The following CNTN3 variants were observed in gnomAD, a reference collection of about 807,000 sequenced individuals.
CNTN3 encodes the protein contactin-3.
Under a neutral mutation model 119.1 loss-of-function variants are expected in CNTN3, and 60 were observed. The observed-to-expected ratio is 0.50, with a 90% CI of 0.41 to 0.62. The LOEUF is 0.62. Ranked by LOEUF, CNTN3 falls within the 20% of genes least tolerant of loss-of-function variation. The probability of loss-of-function intolerance (pLI) is 0.00; values close to 1 mark genes in which losing one functional copy is unlikely to be tolerated. For missense variants in CNTN3, 1,101 were observed against 1,242.4 expected, an observed-to-expected ratio of 0.89 and a Z score of 1.71; for synonymous variants, 450 against 438.7, an observed-to-expected ratio of 1.03 and a Z score of -0.32.
intron 2 of CNTN3, among the ~76,000 whole-genome samples, chr3:74,510,639 C>G (rs1703348603): frequency 6.6e-6 from 1 of 151,912 alleles, no homozygotes; most frequent in Non-Finnish European, 1.5e-5. Flanking sequence ...TTCACTTACT[C>G]AAATCTCTAA....
At chr3:74,595,890 A>C (rs1704799024) in intron 1 of CNTN3, among the ~76,000 whole-genome samples, 1 of 152,158 alleles carries the variant, frequency 6.6e-6, no homozygotes, top group Non-Finnish European at 1.5e-5. Context: ...GGAAAAGAGG[A>C]AGTCAAATTG....
At chr3:74,379,876 T>G (rs2106807799) in intron 5 of CNTN3, among the ~76,000 whole-genome samples, 1 of 152,312 alleles carries the variant, frequency 6.6e-6, no homozygotes. Context: ...GGCATGGCAT[T>G]GCTAAAGAAA....
intron 20 of CNTN3, among the ~76,000 whole-genome samples, chr3:74,280,965 G>C (rs528109945): frequency 1.4e-4 from 22 of 152,282 alleles, no homozygotes; most frequent in Non-Finnish European, 3.1e-4. Context: ...TGGAAGAGAT[G>C]GGGGAGTGCA....
intron 4 of CNTN3, among the ~76,000 whole-genome samples, chr3:74,438,842 C>G (rs1701914233): frequency 6.6e-6 from 1 of 152,156 alleles, no homozygotes. Flanking sequence ...TGACTTCTAT[C>G]AATTATAGCA....
intron 3 of CNTN3, among the ~76,000 whole-genome samples, chr3:74,497,649 CA>C (rs141749971): frequency 0.091 from 13,781 of 151,654 alleles, 829 homozygotes; most frequent in Non-Finnish European, 0.13. Flanking sequence ...GGCTACAAAC[CA>C]AAAATCATCA....
intron 19 of CNTN3, among the ~76,000 whole-genome samples, chr3:74,289,734 T>C (rs1042448476): frequency 6.6e-6 from 1 of 152,206 alleles, no homozygotes; most frequent in African/African-American, 2.4e-5. Flanking sequence ...AACAACTTGC[T>C]CAAGGCCATA....
intron 1 of CNTN3, among the ~76,000 whole-genome samples, chr3:74,529,992 T>C (rs544623170): frequency 3.3e-5 from 5 of 152,074 alleles, no homozygotes; most frequent in African/African-American, 1.2e-4. Context: ...GAGTTCTAAC[T>C]GTGCACACTA....
chr3:74,334,353 G>T (rs988988904), intron 13 of CNTN3, among the ~76,000 whole-genome samples: 1 of 152,078 alleles, frequency 6.6e-6, no homozygotes, highest in African/African-American at 2.4e-5. Flanking sequence ...ACATTAATTG[G>T]GATCAAGCAC....
At chr3:74,478,712 A>G (rs1179220747) in intron 4 of CNTN3, among the ~76,000 whole-genome samples, 4 of 152,152 alleles carry the variant, frequency 2.6e-5, no homozygotes, top group African/African-American at 9.6e-5. Context: ...TTTTAGTTCC[A>G]CACTCCTAAG....
intron 2 of CNTN3, among the ~76,000 whole-genome samples, chr3:74,515,997 C>A (rs1231930615): frequency 6.6e-6 from 1 of 151,950 alleles, no homozygotes; most frequent in Non-Finnish European, 1.5e-5. Context: ...GTCTCTCTTA[C>A]CCACCACCAA....
At chr3:74,361,117 T>C (rs1704063564) in intron 11 of CNTN3, among the ~76,000 whole-genome samples, 1 of 151,944 alleles carries the variant, frequency 6.6e-6, no homozygotes, top group Non-Finnish European at 1.5e-5. Flanking sequence ...CTCAATAAAC[T>C]GTAATAATAA....
rs200292687 is a variant in CNTN3, at chr3:74,424,867, G to A, written c.432C>T (p.Cys144=). Residue 144 remains cysteine, a synonymous_variant, in exon 5 of 23, where the codon TGC becomes TGT. Coordinates refer to ENST00000263665, the MANE Select transcript of CNTN3 (RefSeq NM_020872.3). ...TACCTCCAGAGTGTGGTGGGGGGCC[G>A]CAGAGCAGCACAACTCCCTGGCCTT... is the stretch of plus-strand genomic sequence containing the variant. The part of the protein sequence containing the change: ...VREGQGVVLL[C]GPPPHSGELS... 9.3e-6 allele frequency: 15 copies of A among 1,613,396 alleles called. No homozygotes were observed. The highest frequency in any genetic ancestry group is 1.7e-4 in the Middle Eastern group (1 of 6,060).
intron 1 of CNTN3, among the ~76,000 whole-genome samples, chr3:74,551,965 T>C (rs1448725939): frequency 6.6e-6 from 1 of 151,902 alleles, no homozygotes; most frequent in East Asian, 2.0e-4. Context: ...GGTTTTGCCA[T>C]GTTGGCCAGG....
At chr3:74,577,384 T>C (rs1704434413) in intron 1 of CNTN3, among the ~76,000 whole-genome samples, 1 of 152,178 alleles carries the variant, frequency 6.6e-6, no homozygotes, top group African/African-American at 2.4e-5. Flanking sequence ...CATTCCACAA[T>C]TGGCTACCCA....
At chr3:74,275,115 A>G (rs1701855627) in intron 20 of CNTN3, among the ~76,000 whole-genome samples, 1 of 152,192 alleles carries the variant, frequency 6.6e-6, no homozygotes, top group South Asian at 2.1e-4. Context: ...AAGAAAAAAG[A>G]ATAAGAAAAT....
chr3:74,543,366 A>G (rs1181176273), intron 1 of CNTN3, among the ~76,000 whole-genome samples: 1 of 152,138 alleles, frequency 6.6e-6, no homozygotes, highest in Non-Finnish European at 1.5e-5. Context: ...GACCTGGTCA[A>G]GATAGGGTTT....
At chr3:74,277,431 G>T (rs1406370206) in intron 20 of CNTN3, among the ~76,000 whole-genome samples, 1 of 152,088 alleles carries the variant, frequency 6.6e-6, no homozygotes, top group African/African-American at 2.4e-5. Context: ...GATCAAGTAG[G>T]TTTCACTTCA....
Position 74,510,046 on chromosome 3 carries a change from C to CATATAT in CNTN3, c.56-10267_56-10262dup, listed in dbSNP as rs5850186. 9.8e-4 allele frequency among the ~76,000 whole-genome samples: 145 copies of CATATAT among 147,790 alleles called. 1 individual carries two copies. Among genetic ancestry groups the CATATAT allele is most frequent in the South Asian group, 7.7e-3 (36 of 4,700 alleles). On this transcript the variant is annotated intron_variant, in intron 2 of 22. Transcript: ENST00000263665. ...ATATATATACATATATATAAGTTTT[C>CATATAT]ATATATATATATATGAAAACTTAGT...
At chr3:74,578,898 T>C (rs1000807618) in intron 1 of CNTN3, among the ~76,000 whole-genome samples, 1 of 152,010 alleles carries the variant, frequency 6.6e-6, no homozygotes, top group Non-Finnish European at 1.5e-5. Flanking sequence ...CAATACATGA[T>C]ATGTACACTC....
Sources: gnomAD v4.1 joint callset for allele counts (sites outside exome capture counted in the v4.1 genomes callset) on GRCh38, gnomAD v4.1.1 for gene constraint, MANE v1.5 for transcripts, NCBI Gene and HGNC (gene_info 2026-07-23, HGNC 2026-07-21) for gene names.